Variants in OAS2 observed in about 807,000 individuals in gnomAD.
The protein encoded by OAS2 is 2'-5'-oligoadenylate synthetase 2.
Under a neutral mutation model 71.3 loss-of-function variants are expected in OAS2, and 67 were observed. That is an observed-to-expected ratio of 0.94 (90% CI 0.77 to 1.15). The LOEUF (loss-of-function observed/expected upper bound fraction) is 1.15. Among genes scored for constraint, OAS2 ranks in the 50% most tolerant of loss-of-function variants. The pLI, the probability that OAS2 is intolerant of heterozygous loss-of-function variation, is 0.00. For synonymous variants in OAS2, 327 were observed against 321.8 expected (o/e 1.02, Z -0.17); for missense variants, 789 against 822.5 (o/e 0.96, Z 0.50).
At chr12:113,005,795 G>A (rs2044326748) in intron 7 of OAS2, among the ~76,000 whole-genome samples, 1 of 151,440 alleles carries the variant, frequency 6.6e-6, no homozygotes, top group Admixed American at 6.6e-5. Flanking sequence ...GGAGGCTGAG[G>A]TGGGAGGATT....
intron 8 of OAS2, 111 bp downstream of exon 8, chr12:113,006,711 G>A: frequency 1.1e-6 from 1 of 899,622 alleles, no homozygotes; most frequent in Non-Finnish European, 1.6e-6. Context: ...CCACTTTGGA[G>A]AATCTGCCCA....
intron 5 of OAS2, among the ~76,000 whole-genome samples, chr12:113,000,984 T>C (rs2044282512): frequency 6.6e-6 from 1 of 152,190 alleles, no homozygotes. Flanking sequence ...AATATTTGTA[T>C]AGAACAGTAA....
intron 1 of OAS2, among the ~76,000 whole-genome samples, chr12:112,981,984 CT>C (rs1367903329): frequency 7.2e-5 from 11 of 151,824 alleles, no homozygotes; most frequent in Middle Eastern, 3.4e-3. Flanking sequence ...AGATTGCTTT[CT>C]TGATTTCTTT....
At chr12:113,009,033 T>A in intron 9 of OAS2, 54 bp from the exon 10 acceptor site, 3 of 1,575,444 alleles carry the variant, frequency 1.9e-6, no homozygotes, top group Middle Eastern at 2.3e-4. Flanking sequence ...GGACCCCAAA[T>A]TCTGAAGTCA....
chr12:113,000,684 T>G (rs1184843519), intron 5 of OAS2, among the ~76,000 whole-genome samples: 2 of 137,254 alleles, frequency 1.5e-5, no homozygotes, highest in Admixed American at 7.1e-5. Context: ...ACACATGCAC[T>G]CATGCACACA....
At chr12:113,000,036 C>T (rs1472678477) in intron 5 of OAS2, among the ~76,000 whole-genome samples, 1 of 152,196 alleles carries the variant, frequency 6.6e-6, no homozygotes, top group East Asian at 1.9e-4. Context: ...TGAGCCACCT[C>T]ACCTGGCCCA....
intron 1 of OAS2, among the ~76,000 whole-genome samples, chr12:112,983,645 G>A (rs1452036165): frequency 6.6e-6 from 1 of 152,128 alleles, no homozygotes; most frequent in African/African-American, 2.4e-5. Flanking sequence ...GTTTTGGTAT[G>A]TTGTGTTTCC....
At chr12:113,001,519 T>C (rs530987128) in intron 5 of OAS2, among the ~76,000 whole-genome samples, 21 of 149,412 alleles carry the variant, frequency 1.4e-4, no homozygotes, top group African/African-American at 2.0e-4. Context: ...CATATATATA[T>C]ACACATATAT....
At position 112,987,080 on chromosome 12, in the gene OAS2, G is replaced by T; in HGVS notation, c.220G>T (p.Asp74Tyr). The change falls in exon 2 of 10, where the codon GAT (aspartate) becomes TAT (tyrosine). Residue 74 changes from aspartate to tyrosine, a missense_variant. Physicochemically the swap from Asp to Tyr is radical, Grantham distance 160. Transcript: ENST00000392583. The part of the protein sequence containing the change: ...GRKTVLRGNS[D>Y]GTLVLFFSDL... ...GAAAACAGTCTTAAGAGGCAACTCC[G>T]ATGGTACCCTTGTCCTCTTCTTCAG... 1 of 1,614,084 alleles carries T rather than the reference G, an allele frequency of 6.2e-7. No individual in the cohort carries two copies. Among genetic ancestry groups the T allele is most frequent in the South Asian group, 1.1e-5 (1 of 91,076 alleles).
intron 2 of OAS2, among the ~76,000 whole-genome samples, chr12:112,989,071 T>C (rs928657143): frequency 6.6e-6 from 1 of 152,112 alleles, no homozygotes; most frequent in Non-Finnish European, 1.5e-5. Context: ...CCCCACCAAA[T>C]CTCATCTTGA....
At chr12:112,989,665 A>T (rs2044173215) in intron 2 of OAS2, among the ~76,000 whole-genome samples, 1 of 152,182 alleles carries the variant, frequency 6.6e-6, no homozygotes, top group Admixed American at 6.5e-5. Flanking sequence ...AATGTTTCTT[A>T]TCAGACAAGA....
rs1256881889 is a variant in OAS2, at chr12:112,995,477, A to G, written c.627+3A>G. The G allele has an allele frequency of 1.9e-6, 3 of 1,610,694 alleles. No homozygotes were observed. The highest frequency in any genetic ancestry group is 2.7e-5 in the African/African-American group (2 of 74,654). On this transcript the variant is annotated splice_donor_region_variant and intron_variant, in intron 3 of 9. Transcript: ENST00000392583. ...TGATAAAGCACTGGCATCAACAGGT[A>G]ATTTTCCAACTGTCTATATATGGTT...
At chr12:112,986,945 G>T in intron 1 of OAS2, 93 bp from the exon 2 acceptor site, 2 of 1,498,140 alleles carry the variant, frequency 1.3e-6, no homozygotes, top group African/African-American at 1.4e-5. Flanking sequence ...ACCATTTTTG[G>T]CTTTTACTTG....
chr12:113,005,701 A>C (rs1194071250), intron 7 of OAS2, among the ~76,000 whole-genome samples: 3 of 96,200 alleles, frequency 3.1e-5, no homozygotes, highest in Non-Finnish European at 6.6e-5. Context: ...ACTTCATCCC[A>C]AAAATAAATA....
Position 112,997,384 on chromosome 12 carries a change from T to C in OAS2, c.628-136T>C, listed in dbSNP as rs1402859094. On this transcript the variant is annotated intron_variant, in intron 3 of 9. Coordinates refer to ENST00000392583, the MANE Select transcript of OAS2 (RefSeq NM_002535.3). ...CCACATCTTTGTCAAGACTTGGTAT[T>C]GTCAGTCCACTGAACTGTAGGCATT... 34 of 655,908 alleles carry C rather than the reference T, an allele frequency of 5.2e-5. No homozygotes were observed. In the East Asian group the frequency reaches 7.7e-4, roughly 15 times the overall value. 40.6% of individuals were successfully genotyped at this position (655,908 alleles called of 1,614,324 possible).
intron 2 of OAS2, chr12:112,988,225 AC>A (rs1229715883): frequency 6.1e-6 from 6 of 985,180 alleles, no homozygotes; most frequent in Non-Finnish European, 7.2e-6. Context: ...CATCAATACC[AC>A]TGTTAAGAAG....
rs1039364097 is a variant in OAS2, at chr12:113,009,798, G to A, written c.*543G>A. 1 of 986,698 alleles carries A rather than the reference G, an allele frequency of 1.0e-6. No homozygotes were observed. The highest frequency in any genetic ancestry group is 1.7e-5 in the African/African-American group (1 of 57,240). 61.1% of individuals were successfully genotyped at this position (986,698 alleles called of 1,614,324 possible). A position where few individuals can be genotyped will look rare whatever the true frequency, so the allele number is the denominator to read the frequency against. ...GTAACTTGAAGGTGGCTACAAAGAT[G>A]ACTGTGGACGTGGGTTGCACTGGCC... On this transcript the variant is annotated 3_prime_UTR_variant, in exon 10 of 10. Transcript: ENST00000392583.
At chr12:113,001,050 C>T (rs1475697425) in intron 5 of OAS2, among the ~76,000 whole-genome samples, 1 of 152,136 alleles carries the variant, frequency 6.6e-6, no homozygotes, top group Non-Finnish European at 1.5e-5. Flanking sequence ...TGGCTTAAAA[C>T]ACATGAATTT....
rs1640199789 is a variant in OAS2, at chr12:112,995,330, A to G, written c.483A>G (p.Arg161=). ...LNDNPSPWIY[R]ELKRSLDKTN... is the part of the protein sequence containing the mutation. The stretch of plus-strand genomic sequence containing the variant: ...ATAATCCCAGCCCCTGGATCTATCG[A>G]GAGCTCAAAAGATCCTTGGATAAGA... Residue 161 remains arginine, a synonymous_variant, in exon 3 of 10, where the codon CGA becomes CGG. Coordinates refer to ENST00000392583, the MANE Select transcript of OAS2 (RefSeq NM_002535.3). The G allele has an allele frequency of 6.2e-7, 1 of 1,613,780 alleles. No individual in the cohort carries two copies. Among genetic ancestry groups the G allele is most frequent in the African/African-American group, 1.3e-5 (1 of 74,916 alleles).
Sources: gnomAD v4.1 joint callset for allele counts (sites outside exome capture counted in the v4.1 genomes callset) on GRCh38, gnomAD v4.1.1 for gene constraint, MANE v1.5 for transcripts, NCBI Gene and HGNC (gene_info 2026-07-23, HGNC 2026-07-21) for gene names.